The following MTR variants were observed in gnomAD, a reference collection of about 807,000 sequenced individuals.
MTR encodes the protein 5-methyltetrahydrofolate-homocysteine methyltransferase, also known as methionine synthase.
A neutral mutation model predicts 154.8 loss-of-function variants in MTR; 84 were observed. The observed-to-expected ratio is 0.54, with a 90% CI of 0.45 to 0.65. MTR has a LOEUF of 0.65. Among genes scored for constraint, MTR ranks in the 30% least tolerant of loss-of-function variants. MTR has a pLI of 0.00. For missense variants in MTR, 1,275 were observed against 1,570.2 expected, an observed-to-expected ratio of 0.81 and a Z score of 3.18; for synonymous variants, 554 against 553.9, an observed-to-expected ratio of 1.00 and a Z score of 0.00.
intron 22 of MTR, among the ~76,000 whole-genome samples, chr1:236,868,502 C>T (rs1473869366): frequency 6.6e-6 from 1 of 152,090 alleles, no homozygotes; most frequent in Non-Finnish European, 1.5e-5. Flanking sequence ...CTAAATTCCC[C>T]TCAAGAAATA....
Position 236,874,831 on chromosome 1 carries a change from G to T in MTR, c.2579G>T (p.Gly860Val), listed in dbSNP as rs1665341439. Residue 860 changes from glycine to valine, a missense_variant, in exon 24 of 33, where the codon GGA becomes GTA. By Grantham distance (109) the Gly-to-Val change is moderately radical. Transcript: ENST00000366577. ...ATAAGGATTCCATTGTTGATTGGAG[G>T]AGCAACCACTTCAAAGTAAGTTATA... is the stretch of plus-strand genomic sequence containing the variant. The part of the protein sequence containing the change: ...LAIRIPLLIG[G>V]ATTSKTHTAV... 6.2e-7 allele frequency: 1 copy of T among 1,613,712 alleles called. No homozygotes were observed. Among genetic ancestry groups the T allele is most frequent in the Non-Finnish European group, 8.5e-7 (1 of 1,179,880 alleles).
At chr1:236,870,422 G>A (rs527428642) in intron 22 of MTR, among the ~76,000 whole-genome samples, 1 of 152,182 alleles carries the variant, frequency 6.6e-6, no homozygotes, top group Non-Finnish European at 1.5e-5. Flanking sequence ...TGTCTTCACT[G>A]TCTAGATGTG....
In MTR at chr1:236,859,925, A is replaced by G. The variant is rs752607875; in HGVS notation, c.2043+3A>G. 1.9e-6 allele frequency: 3 copies of G among 1,612,980 alleles called. No individual in the cohort carries two copies. The highest frequency in any genetic ancestry group is 2.5e-6 in the Non-Finnish European group (3 of 1,179,180). On this transcript the variant is annotated splice_donor_region_variant and intron_variant, in intron 19 of 32. Coordinates refer to ENST00000366577, the MANE Select transcript of MTR (RefSeq NM_000254.3). ...GCCTTGAGTATGCCCTTGTGAAGGT[A>G]AGTTACAGGGGCCTGAACTGGAGGG...
At chr1:236,820,911 A>G (rs1196900732) in intron 8 of MTR, among the ~76,000 whole-genome samples, 2 of 152,188 alleles carry the variant, frequency 1.3e-5, no homozygotes, top group Non-Finnish European at 1.5e-5. Context: ...AATTTTGAGC[A>G]TCTTTTCATA....
intron 28 of MTR, among the ~76,000 whole-genome samples, chr1:236,889,704 G>C (rs1666210892): frequency 6.6e-6 from 1 of 152,188 alleles, no homozygotes; most frequent in Non-Finnish European, 1.5e-5. Context: ...AGCTCAGACT[G>C]GGAGGTCAGG....
chr1:236,894,648 G>A lies in MTR; in HGVS notation c.3405+91G>A, dbSNP rs534239893. ...GTGCCTGAAGACTGATCAGCCCTTA[G>A]AACCAGTGTCTTTTTTTTTTTTTTT... On this transcript the variant is annotated intron_variant, in intron 30 of 32. Transcript: ENST00000366577. 1,076 of 1,227,774 alleles carry A rather than the reference G, an allele frequency of 8.8e-4. 13 individuals are homozygous for A. The African/African-American group carries it at 0.015, about 17-fold the overall frequency. The allele number at this position is 1,227,774 out of a possible 1,614,324, so 76.1% of individuals were successfully genotyped here.
At chr1:236,808,681 A>G in intron 3 of MTR, 23 bp from the exon 4 acceptor site, 2 of 1,611,428 alleles carry the variant, frequency 1.2e-6, no homozygotes, top group Non-Finnish European at 1.7e-6. Context: ...AGGACAAGCT[A>G]ACGTTTGTGG....
rs112097600 is a variant in MTR at position 236,814,837 on chromosome 1, G to A, written c.610-767G>A. 4.5e-3 allele frequency among the ~76,000 whole-genome samples: 683 copies of A among 152,084 alleles called. 11 individuals carry two copies. The highest frequency in any genetic ancestry group is 0.016 in the African/African-American group (651 of 41,484). ...AAGATCTTTAGGATCAATTTGTCTA[G>A]TTCTAAAGAGGAAATTCTGATATTA... On this transcript the variant is annotated intron_variant, in intron 6 of 32. Transcript: ENST00000366577.
At chr1:236,893,609 G>GT (rs1666456746) in intron 29 of MTR, among the ~76,000 whole-genome samples, 1 of 152,156 alleles carries the variant, frequency 6.6e-6, no homozygotes, top group African/African-American at 2.4e-5. Flanking sequence ...CACTGAATGA[G>GT]TATTATAAGC....
intron 19 of MTR, among the ~76,000 whole-genome samples, chr1:236,860,394 AGTTTT>A (rs1350908544): frequency 4.3e-5 from 6 of 140,238 alleles, no homozygotes; most frequent in Non-Finnish European, 7.6e-5. Context: ...AGAATCTCAG[AGTTTT>A]GTTTTGTTTT....
intron 21 of MTR, among the ~76,000 whole-genome samples, chr1:236,862,719 G>A (rs1330387463): frequency 3.9e-5 from 6 of 152,168 alleles, no homozygotes; most frequent in African/African-American, 1.4e-4. Context: ...AGTCATGCTT[G>A]TTTTTAGAAA....
chr1:236,851,007 T>G lies in MTR; in HGVS notation c.1695+484T>G, dbSNP rs569151303. ...ATAAAGTAGCTATTGTCCTGAGTTT[T>G]ATGACGCTACTCTGTTGCTTTTCTT... is the stretch of plus-strand genomic sequence containing the variant. On this transcript the variant is annotated intron_variant, in intron 16 of 32. Transcript: ENST00000366577. 2.6e-5 allele frequency among the ~76,000 whole-genome samples: 4 copies of G among 152,372 alleles called. No individual in the cohort carries two copies. The South Asian group carries it at 6.2e-4, about 24-fold the overall frequency.
chr1:236,893,382 G>C (rs374114455), intron 29 of MTR, among the ~76,000 whole-genome samples: 2 of 152,164 alleles, frequency 1.3e-5, no homozygotes, highest in Non-Finnish European at 1.5e-5. Flanking sequence ...TTGATTAATT[G>C]ATCAGTCCTG....
chr1:236,832,152 T>C lies in MTR; in HGVS notation c.1188+74T>C. On this transcript the variant is annotated intron_variant, in intron 13 of 32. Coordinates refer to ENST00000366577, the MANE Select transcript of MTR (RefSeq NM_000254.3). ...AGACAGCATGTAAATGAAACAGCTCTCTGCCTTTGATAGTGTTATTAGCAG... is the reference window on the plus strand; with the variant it reads ...AGACAGCATGTAAATGAAACAGCTCCCTGCCTTTGATAGTGTTATTAGCAG... 3 of 1,174,130 alleles carry C rather than the reference T, an allele frequency of 2.6e-6. No individual in the cohort carries two copies. The South Asian group carries it at 3.7e-5, about 15-fold the overall frequency. The allele number at this position is 1,174,130 out of a possible 1,614,324, so 72.7% of individuals were successfully genotyped here.
chr1:236,886,529 G>A (rs1314369191), intron 27 of MTR, among the ~76,000 whole-genome samples, 162 bp downstream of exon 27: 1 of 152,196 alleles, frequency 6.6e-6, no homozygotes, highest in Non-Finnish European at 1.5e-5. Context: ...AAGGGAATAG[G>A]TACCATTTAT....
intron 15 of MTR, among the ~76,000 whole-genome samples, chr1:236,848,184 G>T (rs771822849): frequency 6.6e-6 from 1 of 152,146 alleles, no homozygotes. Context: ...TTCCTGTCCT[G>T]TGAGGATGCA....
intron 18 of MTR, among the ~76,000 whole-genome samples, chr1:236,856,836 C>A (rs994530181): frequency 1.3e-5 from 2 of 152,176 alleles, no homozygotes; most frequent in African/African-American, 4.8e-5. Flanking sequence ...CCAGCTTCAT[C>A]CATGTCCCTG....
Position 236,835,645 on chromosome 1 carries a change from CAGATTTT to C in MTR, c.1288_1294del (p.Arg430AlafsTer3). On this transcript the variant is annotated frameshift_variant, in exon 14 of 33. Coordinates refer to ENST00000366577, the MANE Select transcript of MTR (RefSeq NM_000254.3). LOFTEE classifies it high-confidence loss of function. Reference sequence around the variant, plus strand: ...TGCTAGATGGTCCAAGTGCAATGACCAGATTTTGCAACTTAATTGCTTCCGAGCCAGA... The same window carrying C: ...TGCTAGATGGTCCAAGTGCAATGACCGCAACTTAATTGCTTCCGAGCCAGA... 1 of 1,611,140 alleles carries C rather than the reference CAGATTTT, an allele frequency of 6.2e-7. No individual in the cohort carries two copies. The highest frequency in any genetic ancestry group is 8.5e-7 in the Non-Finnish European group (1 of 1,179,478).
intron 1 of MTR, 63 bp downstream of exon 1, chr1:236,795,800 A>G (rs1465256167): frequency 6.2e-6 from 10 of 1,611,296 alleles, no homozygotes; most frequent in Non-Finnish European, 8.5e-6. Flanking sequence ...GTGGCCTCCT[A>G]ATCCCTGGGG....
Sources: allele counts gnomAD v4.1 joint callset (sites outside exome capture counted in the v4.1 genomes callset), GRCh38; gene constraint gnomAD v4.1.1; transcripts MANE v1.5; gene names NCBI Gene and HGNC (gene_info 2026-07-23, HGNC 2026-07-21).